UNC5C: variants seen among roughly 807,000 people sequenced by gnomAD.
UNC5C encodes unc-5 netrin receptor C.
Under a neutral mutation model 99.8 loss-of-function variants are expected in UNC5C, and 47 were observed. The observed-to-expected ratio is 0.47, with a 90% CI of 0.37 to 0.60. UNC5C has a LOEUF of 0.60. Among genes scored for constraint, UNC5C ranks in the 20% least tolerant of loss-of-function variants. The pLI, the probability that UNC5C is intolerant of heterozygous loss-of-function variation, is 0.00. For missense variants in UNC5C, 1,062 were observed against 1,165.9 expected (o/e 0.91, Z 1.30); for synonymous variants, 487 against 452.2 (o/e 1.08, Z -0.98).
At position 95,514,713 on chromosome 4, in the gene UNC5C, TC is replaced by T. The variant is rs1331788381; in HGVS notation, c.124+34020del. Among the ~76,000 whole-genome samples, 5 of 151,178 alleles carry T rather than the reference TC, an allele frequency of 3.3e-5. No homozygotes were observed. In the East Asian group the frequency reaches 9.7e-4, roughly 29 times the overall value. ...CTTGAGATGGAGTCTTGCTCTGTCA[TC>T]CAGGCTGGTGTGCAATGGCGAGATC... On this transcript the variant is annotated intron_variant, in intron 1 of 15. Transcript: ENST00000453304.
At chr4:95,513,908 T>G (rs1001732192) in intron 1 of UNC5C, among the ~76,000 whole-genome samples, 2 of 152,220 alleles carry the variant, frequency 1.3e-5, no homozygotes, top group Non-Finnish European at 2.9e-5. Flanking sequence ...CATAAATTGC[T>G]TAACCTAACT....
Position 95,169,089 on chromosome 4 carries a change from A to G in UNC5C, c.*145T>C, listed in dbSNP as rs970669870. 5.8e-5 allele frequency: 56 copies of G among 968,702 alleles called. No homozygotes were observed. Among genetic ancestry groups the G allele is most frequent in the Non-Finnish European group, 8.5e-5 (55 of 647,454 alleles). 60.0% of individuals were successfully genotyped at this position (968,702 alleles called of 1,614,324 possible). A position where few individuals can be genotyped will look rare whatever the true frequency, so the allele number is the denominator to read the frequency against. Reference sequence around the variant, plus strand: ...AGTGGGCATGTACATGGGCAGTTGTATCTGTTTTCCTTCTGGCTCCTGCTG... The same window carrying G: ...AGTGGGCATGTACATGGGCAGTTGTGTCTGTTTTCCTTCTGGCTCCTGCTG... On this transcript the variant is annotated 3_prime_UTR_variant, in exon 16 of 16. Transcript: ENST00000453304.
intron 1 of UNC5C, among the ~76,000 whole-genome samples, chr4:95,483,198 A>G (rs540327039): frequency 1.3e-5 from 2 of 151,622 alleles, no homozygotes; most frequent in Non-Finnish European, 2.9e-5. Flanking sequence ...AAAAATCCTC[A>G]GTCTCACACC....
Position 95,169,150 on chromosome 4 carries a change from A to C in UNC5C, c.*84T>G. Reference sequence around the variant, plus strand: ...TGTGAAGTGCATTGGTCTCATCTGGATTTCCTCCTCAGCTGTGATTCACCT... The same window carrying C: ...TGTGAAGTGCATTGGTCTCATCTGGCTTTCCTCCTCAGCTGTGATTCACCT... On this transcript the variant is annotated 3_prime_UTR_variant, in exon 16 of 16. Coordinates refer to ENST00000453304, the MANE Select transcript of UNC5C (RefSeq NM_003728.4). 1.2e-5 allele frequency: 18 copies of C among 1,535,576 alleles called. No homozygotes were observed. Among genetic ancestry groups the C allele is most frequent in the Non-Finnish European group, 1.5e-5 (17 of 1,122,348 alleles).
At chr4:95,303,544 C>T (rs1028852846) in intron 2 of UNC5C, among the ~76,000 whole-genome samples, 5 of 152,098 alleles carry the variant, frequency 3.3e-5, no homozygotes, top group African/African-American at 4.8e-5. Flanking sequence ...GGCATGGTGG[C>T]GCACGCCTGT....
intron 2 of UNC5C, among the ~76,000 whole-genome samples, chr4:95,306,711 A>C (rs1742075145): frequency 6.6e-6 from 1 of 152,118 alleles, no homozygotes. Flanking sequence ...CTTATGGCAA[A>C]AGGAAGTTTT....
intron 1 of UNC5C, among the ~76,000 whole-genome samples, chr4:95,411,489 G>T (rs1414311777): frequency 2.6e-5 from 4 of 152,148 alleles, no homozygotes; most frequent in Non-Finnish European, 4.4e-5. Flanking sequence ...AGAAGTTCCT[G>T]CAGGAAATAG....
intron 1 of UNC5C, among the ~76,000 whole-genome samples, chr4:95,401,284 CTATTTTTAT>C (rs560508483): frequency 0.01 from 1,590 of 151,978 alleles, 26 homozygotes; most frequent in African/African-American, 0.036. Flanking sequence ...GTATTTATTC[CTATTTTTAT>C]TATTTTTATT....
At chr4:95,501,003 A>C (rs1194797981) in intron 1 of UNC5C, among the ~76,000 whole-genome samples, 2 of 152,138 alleles carry the variant, frequency 1.3e-5, no homozygotes, top group African/African-American at 2.4e-5. Context: ...TCTTAGAATA[A>C]TACTACTCCC....
rs915371905 is a variant in UNC5C at position 95,170,345 on chromosome 4, G to C, written c.2452-13C>G. On this transcript the variant is annotated splice_polypyrimidine_tract_variant and intron_variant, in intron 14 of 15. Transcript: ENST00000453304. ...TGCCAGTAGGTTCCTGTAGTTCAGG[G>C]ACAGGAACAACACAGCATTATTTCT... 1 of 1,612,956 alleles carries C rather than the reference G, an allele frequency of 6.2e-7. No individual in the cohort carries two copies. Among genetic ancestry groups the C allele is most frequent in the East Asian group, 2.2e-5 (1 of 44,844 alleles).
chr4:95,328,320 G>GT (rs1553963821), intron 2 of UNC5C, among the ~76,000 whole-genome samples: 5 of 90,824 alleles, frequency 5.5e-5, no homozygotes, highest in Admixed American at 1.4e-4. Context: ...GCGGTGTTTG[G>GT]TTTTTTGCTC....
At chr4:95,368,493 C>A (rs186935906) in intron 1 of UNC5C, among the ~76,000 whole-genome samples, 1 of 152,186 alleles carries the variant, frequency 6.6e-6, no homozygotes, top group Admixed American at 6.5e-5. Flanking sequence ...GAAAGGTAGG[C>A]TGTCTCTGAT....
chr4:95,530,700 A>T (rs1166791563), intron 1 of UNC5C, among the ~76,000 whole-genome samples: 2 of 152,186 alleles, frequency 1.3e-5, no homozygotes, highest in Admixed American at 6.5e-5. Flanking sequence ...TTATAACATG[A>T]TTACAAGTTT....
intron 1 of UNC5C, among the ~76,000 whole-genome samples, chr4:95,411,922 T>C (rs972821088): frequency 2.0e-5 from 3 of 151,966 alleles, no homozygotes; most frequent in African/African-American, 7.3e-5. Flanking sequence ...GTCTCCTAAG[T>C]GGCCTTCCCT....
rs763287953 is a variant in UNC5C at position 95,216,179 on chromosome 4, G to A, written c.1678C>T (p.Pro560Ser). The A allele has an allele frequency of 6.2e-7, 1 of 1,613,644 alleles. No homozygotes were observed. Among genetic ancestry groups the A allele is most frequent in the Non-Finnish European group, 8.5e-7 (1 of 1,179,936 alleles). Residue 560 changes from proline (P) to serine (S), a missense_variant, in exon 10 of 16, where the codon CCC (proline) becomes TCC (serine). This residue lies in a region of UNC5C where 810 missense variants were observed against 854.5 expected (regional missense o/e 0.95). Coordinates refer to ENST00000453304, the MANE Select transcript of UNC5C (RefSeq NM_003728.4). ...VSLLIPAGAIPQGRVYEMYVT... is the reference protein window; with the variant it reads ...VSLLIPAGAISQGRVYEMYVT... ...TACATTTCGTAGACTCTCCCTTGGG[G>A]AATGGCCCCAGCGGGAATCAGCAAG...
chr4:95,502,980 A>G (rs994434680), intron 1 of UNC5C, among the ~76,000 whole-genome samples: 7 of 152,126 alleles, frequency 4.6e-5, no homozygotes, highest in Admixed American at 4.6e-4. Flanking sequence ...TTTAACTTTT[A>G]TTTATATTCA....
At chr4:95,275,677 G>A (rs1386950609) in intron 4 of UNC5C, among the ~76,000 whole-genome samples, 1 of 152,172 alleles carries the variant, frequency 6.6e-6, no homozygotes, top group Admixed American at 6.5e-5. Flanking sequence ...TCAAAACTAA[G>A]ACTAGAGTTC....
At chr4:95,292,236 C>CACATATATAT (rs1553961220) in intron 3 of UNC5C, among the ~76,000 whole-genome samples, 2 of 88,744 alleles carry the variant, frequency 2.3e-5, no homozygotes, top group Non-Finnish European at 4.6e-5. Flanking sequence ...CACACACACA[C>CACATATATAT]ATATATATAT....
At chr4:95,231,737 C>G (rs1738919087) in intron 7 of UNC5C, among the ~76,000 whole-genome samples, 1 of 152,100 alleles carries the variant, frequency 6.6e-6, no homozygotes, top group African/African-American at 2.4e-5. Flanking sequence ...TCTAGCAAAC[C>G]CATCAGGGCT....
Sources: allele counts gnomAD v4.1 joint callset (sites outside exome capture counted in the v4.1 genomes callset), GRCh38; gene constraint gnomAD v4.1.1; regional missense constraint gnomAD v4.1.1; transcripts MANE v1.5; gene names NCBI Gene and HGNC (gene_info 2026-07-23, HGNC 2026-07-21).